DGLUCY: variants seen among roughly 807,000 people sequenced by gnomAD.
DGLUCY encodes D-glutamate cyclase, mitochondrial.
Under a neutral mutation model 58.5 loss-of-function variants are expected in DGLUCY, and 58 were observed. That is an observed-to-expected ratio of 0.99 (90% CI 0.80 to 1.23). The LOEUF is 1.23. Among genes scored for constraint, DGLUCY ranks in the 50% most tolerant of loss-of-function variants. The pLI, the probability that DGLUCY is intolerant of heterozygous loss-of-function variation, is 0.00. For missense variants in DGLUCY, 779 were observed against 784.7 expected, an observed-to-expected ratio of 0.99 and a Z score of 0.09; for synonymous variants, 325 against 314.1, an observed-to-expected ratio of 1.03 and a Z score of -0.37.
At chr14:91,082,528 G>T (rs2044144552) in intron 1 of DGLUCY, among the ~76,000 whole-genome samples, 1 of 152,152 alleles carries the variant, frequency 6.6e-6, no homozygotes, top group Non-Finnish European at 1.5e-5. Context: ...TTACAGAGGT[G>T]GTGATTCTTA....
chr14:91,223,857 C>T (rs1235363723), intron 13 of DGLUCY: 1 of 416,640 alleles, frequency 2.4e-6, no homozygotes, highest in Non-Finnish European at 4.1e-6. Flanking sequence ...TCATCACCCT[C>T]CCCATTTTAC....
At chr14:91,118,522 A>G (rs2045145485) in intron 1 of DGLUCY, among the ~76,000 whole-genome samples, 1 of 152,194 alleles carries the variant, frequency 6.6e-6, no homozygotes, top group African/African-American at 2.4e-5. Context: ...ATTTGGGGGT[A>G]AGATATTTTG....
At chr14:91,084,753 G>T (rs1321867064) in intron 1 of DGLUCY, among the ~76,000 whole-genome samples, 1 of 152,212 alleles carries the variant, frequency 6.6e-6, no homozygotes, top group Non-Finnish European at 1.5e-5. Context: ...CCCCTGGGGA[G>T]ATACATTGGA....
intron 1 of DGLUCY, among the ~76,000 whole-genome samples, chr14:91,129,937 G>A (rs1447404530): frequency 2.0e-5 from 3 of 152,118 alleles, no homozygotes; most frequent in African/African-American, 7.2e-5. Context: ...ATGAGCTACC[G>A]TGCCCAGCCT....
At position 91,175,981 on chromosome 14, in the gene DGLUCY, A is replaced by G. The variant is rs770552780; in HGVS notation, c.655A>G (p.Met219Val). ...ELSKPAYGDA[M>V]VCPPGEVPVF... ...TTCCAAACCTGCCTACGGGGATGCC[A>G]TGGTGTGTCCCCCAGGGGAGGTTCC... is the stretch of plus-strand genomic sequence containing the variant. Residue 219 changes from methionine (M) to valine (V), a missense_variant, in exon 7 of 14, where the codon ATG becomes GTG. Physicochemically the swap from Met to Val is conservative, Grantham distance 21. Coordinates refer to ENST00000256324, the MANE Select transcript of DGLUCY (RefSeq NM_001102368.3). The G allele has an allele frequency of 2.6e-5, 42 of 1,613,888 alleles. No individual in the cohort carries two copies. The highest frequency in any genetic ancestry group is 3.4e-5 in the Non-Finnish European group (40 of 1,179,926).
In DGLUCY at chr14:91,189,010, C is replaced by T. The variant is rs1188782460; in HGVS notation, c.1035C>T (p.Pro345=). 3.7e-6 allele frequency: 6 copies of T among 1,614,090 alleles called. No homozygotes were observed. In the Admixed American group the frequency reaches 8.3e-5, roughly 22 times the overall value. ...ARSVLITTGF[P]THFNHEPPEE... Reference sequence around the variant, plus strand: ...CAGTGCTCATCACCACTGGGTTCCCCACACATTTCAATCATGAGCCTCCAG... The same window carrying T: ...CAGTGCTCATCACCACTGGGTTCCCTACACATTTCAATCATGAGCCTCCAG... Residue 345 remains proline (P), a synonymous_variant, in exon 9 of 14, where the codon CCC becomes CCT. Coordinates refer to ENST00000256324, the MANE Select transcript of DGLUCY (RefSeq NM_001102368.3).
upstream of DGLUCY, among the ~76,000 whole-genome samples, chr14:91,103,839 C>T (rs1351515573): frequency 6.6e-6 from 1 of 151,754 alleles, no homozygotes; most frequent in Non-Finnish European, 1.5e-5. Context: ...TATATATACA[C>T]ACACATACAT....
chr14:91,071,187 A>T (rs1449256746), intron 1 of DGLUCY, among the ~76,000 whole-genome samples: 1 of 151,538 alleles, frequency 6.6e-6, no homozygotes, highest in Non-Finnish European at 1.5e-5. Flanking sequence ...AAAAAAAAAA[A>T]TTAGCAAGGT....
intron 1 of DGLUCY, among the ~76,000 whole-genome samples, chr14:91,131,816 G>A (rs1486065502): frequency 6.6e-6 from 1 of 151,970 alleles, no homozygotes; most frequent in Non-Finnish European, 1.5e-5. Context: ...TTTATTTTCA[G>A]ACGGAGTTTC....
chr14:91,214,178 A>G (rs1886158466), intron 12 of DGLUCY, among the ~76,000 whole-genome samples: 1 of 151,860 alleles, frequency 6.6e-6, no homozygotes, highest in African/African-American at 2.4e-5. Context: ...CCCCCTCTCC[A>G]TGCTCCCATA....
At chr14:91,176,850 C>T (rs971947429) in intron 7 of DGLUCY, among the ~76,000 whole-genome samples, 16 of 152,174 alleles carry the variant, frequency 1.1e-4, no homozygotes, top group South Asian at 4.1e-4. Context: ...GATCCTCCCA[C>T]CTCAGCCTCC....
chr14:91,071,188 T>C (rs1184372670), intron 1 of DGLUCY, among the ~76,000 whole-genome samples: 1 of 149,730 alleles, frequency 6.7e-6, no homozygotes, highest in South Asian at 2.1e-4. Flanking sequence ...AAAAAAAAAA[T>C]TAGCAAGGTG....
chr14:91,089,909 A>T lies in DGLUCY; in HGVS notation c.-82+29205A>T, dbSNP rs151224527. ...TTTATAAAGAAAATAATGAAAAGGG[A>T]CGTTATTAGTAATTACTCTGGGACA... On this transcript the variant is annotated intron_variant, in intron 1 of 4. Coordinates refer to the DGLUCY transcript ENST00000521334. Among the ~76,000 whole-genome samples, 115 of 152,046 alleles carry T rather than the reference A, an allele frequency of 7.6e-4. 2 individuals carry two copies. Among genetic ancestry groups the T allele is most frequent in the Admixed American group, 4.1e-3 (63 of 15,252 alleles).
intron 12 of DGLUCY, among the ~76,000 whole-genome samples, chr14:91,211,380 A>T (rs900627635): frequency 6.6e-6 from 1 of 152,254 alleles, no homozygotes; most frequent in Non-Finnish European, 1.5e-5. Context: ...CAAACTGAAT[A>T]TTGAAAAAGA....
At chr14:91,215,104 G>A (rs777735776) in intron 12 of DGLUCY, among the ~76,000 whole-genome samples, 4 of 152,082 alleles carry the variant, frequency 2.6e-5, no homozygotes, top group Non-Finnish European at 4.4e-5. Context: ...AGCCGAGATC[G>A]CACCACTACA....
intron 1 of DGLUCY, among the ~76,000 whole-genome samples, chr14:91,127,574 C>G (rs879831946): frequency 8.5e-5 from 13 of 152,244 alleles, no homozygotes; most frequent in Non-Finnish European, 1.6e-4. Context: ...TGCCTTCAGG[C>G]TGTTTGCGGT....
intron 1 of DGLUCY, among the ~76,000 whole-genome samples, chr14:91,116,805 G>A (rs1465714393): frequency 6.6e-6 from 1 of 152,044 alleles, no homozygotes; most frequent in Non-Finnish European, 1.5e-5. Flanking sequence ...TTAGCTGGGT[G>A]TGGTGGTATG....
At chr14:91,083,082 C>T (rs2044154156) in intron 1 of DGLUCY, among the ~76,000 whole-genome samples, 1 of 152,168 alleles carries the variant, frequency 6.6e-6, no homozygotes, top group African/African-American at 2.4e-5. Context: ...GAAAGATCTA[C>T]AGGCATTGCA....
chr14:91,188,967 C>A lies in DGLUCY; in HGVS notation c.992C>A (p.Ser331Ter). Reference protein sequence around the residue: ...CKDELLKASLSLSHARSVLIT... With the variant: ...CKDELLKASL ...GATGAGCTGCTGAAGGCCTCTCTCT[C>A]GCTGTCCCATGCCCGCTCAGTGCTC... Residue 331 changes from serine (S) to a stop codon, truncating the protein, a stop_gained, in exon 9 of 14, where the codon TCG becomes TAG. Transcript: ENST00000256324. LOFTEE classifies it high-confidence loss of function. 1 of 1,614,212 alleles carries A rather than the reference C, an allele frequency of 6.2e-7. No homozygotes were observed. The highest frequency in any genetic ancestry group is 1.3e-5 in the African/African-American group (1 of 75,062).
Sources: gnomAD v4.1 joint callset for allele counts (sites outside exome capture counted in the v4.1 genomes callset) on GRCh38, gnomAD v4.1.1 for gene constraint, MANE v1.5 for transcripts, NCBI Gene and HGNC (gene_info 2026-07-23, HGNC 2026-07-21) for gene names.